DGKB: variants seen among roughly 807,000 people sequenced by gnomAD.
DGKB encodes diacylglycerol kinase beta.
Under a neutral mutation model 114.3 loss-of-function variants are expected in DGKB, and 67 were observed. The observed-to-expected ratio is 0.59, with a 90% confidence interval of 0.48 to 0.72. The LOEUF (loss-of-function observed/expected upper bound fraction) is 0.72. Ranked by LOEUF, DGKB falls within the 30% of genes least tolerant of loss-of-function variation. DGKB has a pLI of 0.00. For missense variants in DGKB, 907 were observed against 975.2 expected (o/e 0.93, Z 0.93); for synonymous variants, 398 against 323.1 (o/e 1.23, Z -2.49).
upstream of DGKB, among the ~76,000 whole-genome samples, chr7:14,904,674 A>G (rs936980477): frequency 4.6e-5 from 7 of 152,168 alleles, no homozygotes; most frequent in Admixed American, 4.6e-4. Context: ...AAAATCATAT[A>G]ATACCTTAAA....
intron 1 of DGKB, among the ~76,000 whole-genome samples, chr7:14,880,103 TA>T (rs749174141): frequency 6.6e-6 from 1 of 152,132 alleles, no homozygotes; most frequent in Admixed American, 6.6e-5. Context: ...TAAAGGGAAG[TA>T]GCAGAATATG....
At chr7:14,291,142 C>A (rs1360894514) in intron 23 of DGKB, among the ~76,000 whole-genome samples, 168 of 86,270 alleles carry the variant, frequency 1.9e-3, no homozygotes, top group Middle Eastern at 7.2e-3. Flanking sequence ...AACTCCGTCT[C>A]AAAAAAAAAA....
intron 17 of DGKB, among the ~76,000 whole-genome samples, chr7:14,602,146 G>C (rs989868695): frequency 1.3e-5 from 2 of 152,134 alleles, no homozygotes; most frequent in African/African-American, 4.8e-5. Flanking sequence ...AAGTCTAAAA[G>C]TCTATAAAGG....
At chr7:14,698,218 T>C in intron 7 of DGKB, 49 bp from the exon 8 acceptor site, 1 of 1,171,320 alleles carries the variant, frequency 8.5e-7, no homozygotes, top group Non-Finnish European at 1.2e-6. Flanking sequence ...TCTTAGTGAG[T>C]TTTAAATCTT....
intron 20 of DGKB, among the ~76,000 whole-genome samples, chr7:14,547,156 T>G (rs887564354): frequency 6.6e-6 from 1 of 152,188 alleles, no homozygotes; most frequent in Non-Finnish European, 1.5e-5. Flanking sequence ...TTTTTTATAC[T>G]TAATGTTACT....
intron 23 of DGKB, among the ~76,000 whole-genome samples, chr7:14,185,631 T>A (rs1027156232): frequency 1.3e-5 from 2 of 152,124 alleles, no homozygotes; most frequent in Non-Finnish European, 2.9e-5. Flanking sequence ...TGTAAGGCCA[T>A]AGTCACCAAA....
intron 21 of DGKB, among the ~76,000 whole-genome samples, chr7:14,391,753 G>T (rs905045399): frequency 5.3e-5 from 8 of 152,100 alleles, no homozygotes; most frequent in Admixed American, 3.3e-4. Flanking sequence ...TAGATATATT[G>T]ACACTTGATT....
At chr7:14,749,733 A>C (rs1833849991) in intron 4 of DGKB, among the ~76,000 whole-genome samples, 1 of 152,194 alleles carries the variant, frequency 6.6e-6, no homozygotes, top group Non-Finnish European at 1.5e-5. Context: ...TGAAACACAC[A>C]CATAAATCCT....
chr7:14,491,978 G>T (rs1275949026), intron 20 of DGKB, among the ~76,000 whole-genome samples: 2 of 151,894 alleles, frequency 1.3e-5, no homozygotes, highest in African/African-American at 4.8e-5. Context: ...AAAAGTGACT[G>T]CAGAACTCCC....
intron 1 of DGKB, among the ~76,000 whole-genome samples, chr7:14,850,726 TAA>T (rs1315343354): frequency 1.3e-5 from 2 of 152,160 alleles, no homozygotes; most frequent in Non-Finnish European, 2.9e-5. Context: ...AAAGACATAG[TAA>T]AAACAGCAGA....
intron 2 of DGKB, among the ~76,000 whole-genome samples, chr7:14,781,130 C>T (rs1839024534): frequency 6.6e-6 from 1 of 152,142 alleles, no homozygotes. Flanking sequence ...ACCATAAAAG[C>T]CTGGTTCTAT....
intron 13 of DGKB, among the ~76,000 whole-genome samples, chr7:14,641,672 T>A (rs931455929): frequency 1.3e-5 from 2 of 152,180 alleles, no homozygotes; most frequent in African/African-American, 4.8e-5. Context: ...ATAGACTATA[T>A]AATTACATAT....
At chr7:14,913,506 C>A (rs1281575658) in intron 1 of DGKB, among the ~76,000 whole-genome samples, 2 of 149,586 alleles carry the variant, frequency 1.3e-5, no homozygotes, top group African/African-American at 2.5e-5. Context: ...ACTGTAAATA[C>A]AAACACAAAT....
intron 23 of DGKB, among the ~76,000 whole-genome samples, chr7:14,293,597 T>C (rs1171144389): frequency 6.6e-6 from 1 of 152,182 alleles, no homozygotes. Flanking sequence ...CAAAAATAAC[T>C]AATGGTAACA....
At chr7:14,314,503 G>T (rs576148540) in intron 23 of DGKB, among the ~76,000 whole-genome samples, 1 of 152,168 alleles carries the variant, frequency 6.6e-6, no homozygotes, top group South Asian at 2.1e-4. Context: ...CTCAGGAGCC[G>T]ATGTGATCAA....
At chr7:14,502,043 T>C (rs913870243) in intron 20 of DGKB, among the ~76,000 whole-genome samples, 2 of 151,976 alleles carry the variant, frequency 1.3e-5, no homozygotes, top group Non-Finnish European at 2.9e-5. Flanking sequence ...GTAGCTGCCA[T>C]TATTTTTTTC....
chr7:14,419,940 C>T (rs1045652962), intron 21 of DGKB, among the ~76,000 whole-genome samples: 5 of 152,024 alleles, frequency 3.3e-5, no homozygotes, highest in African/African-American at 1.2e-4. Context: ...GTATTTGGGA[C>T]ATGGAAGAGC....
At chr7:14,256,687 T>C (rs757367587) in intron 23 of DGKB, among the ~76,000 whole-genome samples, 1 of 152,176 alleles carries the variant, frequency 6.6e-6, no homozygotes, top group Non-Finnish European at 1.5e-5. Flanking sequence ...TTTGAGAGAT[T>C]AGGATACTCA....
chr7:14,191,063 T>A (rs1784237124), intron 23 of DGKB: 1 of 155,780 alleles, frequency 6.4e-6, no homozygotes, highest in Non-Finnish European at 1.5e-5. Context: ...ACTTGATTAT[T>A]ATTGATAGTC....
Sources: gnomAD v4.1 joint callset for allele counts (sites outside exome capture counted in the v4.1 genomes callset) on GRCh38, gnomAD v4.1.1 for gene constraint, MANE v1.5 for transcripts, NCBI Gene and HGNC (gene_info 2026-07-23, HGNC 2026-07-21) for gene names.